Variants in CECR2 observed in about 807,000 individuals in gnomAD.
CECR2 encodes chromatin remodeling regulator CECR2.
In CECR2, 30 loss-of-function variants were observed where a neutral mutation model predicts 154.5. The ratio of observed to expected loss-of-function variants is 0.19; its 90% CI spans 0.15 to 0.26. The LOEUF is 0.26. Among genes scored for constraint, CECR2 ranks in the 10% least tolerant of loss-of-function variants. The pLI is 1.00. For missense variants in CECR2, 1,743 were observed against 1,829.3 expected (o/e 0.95, Z 0.86); for synonymous variants, 725 against 683.7 (o/e 1.06, Z -0.94).
In CECR2 at chr22:17,381,896, T is replaced by G. The variant is rs555423797; in HGVS notation, c.126+11987T>G. 2.9e-3 allele frequency among the ~76,000 whole-genome samples: 433 copies of G among 147,706 alleles called. 1 individual carries two copies. Among genetic ancestry groups the G allele is most frequent in the African/African-American group, 0.011 (411 of 39,070 alleles). On this transcript the variant is annotated intron_variant, in intron 1 of 18. Transcript: ENST00000262608. ...AGAGAGCCCCCACATTTTTTTTTTT[T>G]GTTTTTTTTGAGACGGAGTCTCACT...
At chr22:17,412,062 T>C (rs1455878340) in intron 1 of CECR2, among the ~76,000 whole-genome samples, 2 of 152,234 alleles carry the variant, frequency 1.3e-5, no homozygotes, top group Non-Finnish European at 2.9e-5. Flanking sequence ...AACTTTATAG[T>C]GGAGTGTGTA....
chr22:17,467,594 C>T (rs1164282560), intron 1 of CECR2, among the ~76,000 whole-genome samples: 1 of 151,970 alleles, frequency 6.6e-6, no homozygotes. Context: ...CCAGCCTGGC[C>T]AACATGGTGA....
Position 17,548,912 on chromosome 22 carries a change from T to A in CECR2, c.3625T>A (p.Phe1209Ile). 4.3e-6 allele frequency: 7 copies of A among 1,613,466 alleles called. No individual in the cohort carries two copies. Among genetic ancestry groups the A allele is most frequent in the Non-Finnish European group, 5.9e-6 (7 of 1,179,606 alleles). The change falls in exon 17 of 19, where the codon TTT (phenylalanine) becomes ATT (isoleucine). Residue 1209 changes from phenylalanine to isoleucine, a missense_variant. Phe to Ile is a conservative substitution (Grantham distance 21, BLOSUM62 0). Coordinates refer to ENST00000262608, the MANE Select transcript of CECR2 (RefSeq NM_001290047.2). ...RTPYYACPQS[F>I]SDWQRPLHPQ... The stretch of plus-strand genomic sequence containing the variant: ...TCCTTACTATGCCTGTCCACAGAGC[T>A]TTTCTGACTGGCAGAGACCTCTCCA...
At chr22:17,467,035 A>C (rs1344712141) in intron 1 of CECR2, among the ~76,000 whole-genome samples, 1 of 152,074 alleles carries the variant, frequency 6.6e-6, no homozygotes, top group African/African-American at 2.4e-5. Context: ...GAGTGTTCAT[A>C]AAGTTTTTCC....
intron 14 of CECR2, 103 bp downstream of exon 14, chr22:17,540,903 T>C: frequency 8.2e-7 from 1 of 1,224,344 alleles, no homozygotes; most frequent in East Asian, 2.7e-5. Context: ...CTTACGTGTA[T>C]GTATGGAATC....
chr22:17,395,201 C>CT (rs1325449530), intron 1 of CECR2, among the ~76,000 whole-genome samples: 5 of 152,190 alleles, frequency 3.3e-5, no homozygotes, highest in African/African-American at 4.8e-5. Flanking sequence ...CATAGAATCT[C>CT]TTTTTTGGCA....
chr22:17,474,639 C>T (rs1221766780), intron 1 of CECR2, among the ~76,000 whole-genome samples: 1 of 152,178 alleles, frequency 6.6e-6, no homozygotes, highest in Admixed American at 6.5e-5. Flanking sequence ...ATGATAAAGG[C>T]GGAAGCCAGA....
At position 17,540,595 on chromosome 22, in the gene CECR2, C is replaced by T; in HGVS notation, c.1679C>T (p.Pro560Leu). 1 of 1,613,508 alleles carries T rather than the reference C, an allele frequency of 6.2e-7. No individual in the cohort carries two copies. Among genetic ancestry groups the T allele is most frequent in the African/African-American group, 1.3e-5 (1 of 75,040 alleles). Residue 560 changes from proline to leucine, a missense_variant, in exon 14 of 19, where the codon CCA (proline) becomes CTA (leucine). By Grantham distance (98) the Pro-to-Leu change is moderately conservative. Transcript: ENST00000262608. ...CATGTTTGGACCCGCTCCAGGGACC[C>T]AGAAGGGTCCAGCAGGAAACAGCAG... ...GSHVWTRSRD[P>L]EGSSRKQQPM... is the part of the protein sequence containing the mutation.
intron 1 of CECR2, among the ~76,000 whole-genome samples, chr22:17,387,398 G>A (rs2063275916): frequency 6.6e-6 from 1 of 152,234 alleles, no homozygotes; most frequent in South Asian, 2.1e-4. Context: ...GGATTATCGA[G>A]TTAGCGTGGA....
intron 1 of CECR2, among the ~76,000 whole-genome samples, chr22:17,422,396 A>G (rs1027926625): frequency 1.3e-5 from 2 of 151,966 alleles, no homozygotes; most frequent in Non-Finnish European, 2.9e-5. Flanking sequence ...ATGGGGTTTC[A>G]CTATGTTGGC....
intron 1 of CECR2, among the ~76,000 whole-genome samples, chr22:17,381,125 G>GA (rs1486784235): frequency 6.6e-6 from 1 of 152,122 alleles, no homozygotes; most frequent in Non-Finnish European, 1.5e-5. Flanking sequence ...GTGCTTTAAA[G>GA]AAAAAATTTC....
intron 1 of CECR2, among the ~76,000 whole-genome samples, chr22:17,474,183 C>G (rs1053809622): frequency 2.6e-5 from 4 of 152,164 alleles, no homozygotes; most frequent in African/African-American, 9.6e-5. Flanking sequence ...GTAAGTTCAG[C>G]AATGTCTTCA....
rs1486250985 is a variant in CECR2 at position 17,516,273 on chromosome 22, ATTTAT to A, written c.954+4379_954+4383del. Among the ~76,000 whole-genome samples, 10 of 140,764 alleles carry A rather than the reference ATTTAT, an allele frequency of 7.1e-5. No individual in the cohort carries two copies. The East Asian group carries it at 7.8e-4, about 11-fold the overall frequency. The allele number at this position is 140,764 out of a possible 152,430, so 92.3% of individuals were successfully genotyped here. On this transcript the variant is annotated intron_variant, in intron 8 of 18. Transcript: ENST00000262608. ...TACAGTTATGTACATACATATACAC[ATTTAT>A]TATATTATATGTGTATACATTTTAT...
intron 7 of CECR2, among the ~76,000 whole-genome samples, chr22:17,511,363 C>G (rs2055948382): frequency 6.6e-6 from 1 of 152,164 alleles, no homozygotes; most frequent in African/African-American, 2.4e-5. Flanking sequence ...TCCCTGGCTT[C>G]CCCTCCTGGG....
chr22:17,380,869 T>A (rs566347661), intron 1 of CECR2, among the ~76,000 whole-genome samples: 16 of 152,366 alleles, frequency 1.1e-4, no homozygotes, highest in African/African-American at 3.6e-4. Flanking sequence ...AGCCCTACCC[T>A]GAGTGTTCAT....
At chr22:17,531,617 A>G (rs1184379584) in intron 9 of CECR2, among the ~76,000 whole-genome samples, 1 of 152,240 alleles carries the variant, frequency 6.6e-6, no homozygotes, top group African/African-American at 2.4e-5. Context: ...TTCTAGAAGG[A>G]AAGAATCAGT....
chr22:17,448,407 G>A (rs899742827), intron 1 of CECR2, among the ~76,000 whole-genome samples: 9 of 152,180 alleles, frequency 5.9e-5, no homozygotes, highest in Admixed American at 4.6e-4. Flanking sequence ...ATGATGCATG[G>A]AAAGAAGTAA....
At chr22:17,488,919 C>A (rs2055474108) in intron 2 of CECR2, among the ~76,000 whole-genome samples, 1 of 152,154 alleles carries the variant, frequency 6.6e-6, no homozygotes, top group Non-Finnish European at 1.5e-5. Context: ...TCTGAACAGT[C>A]CAGTTGCTTC....
At chr22:17,443,773 C>A (rs2054617776) in intron 1 of CECR2, among the ~76,000 whole-genome samples, 1 of 152,078 alleles carries the variant, frequency 6.6e-6, no homozygotes, top group African/African-American at 2.4e-5. Flanking sequence ...AGGTTACTTA[C>A]CAGATTCCAG....
Sources: allele counts gnomAD v4.1 joint callset (sites outside exome capture counted in the v4.1 genomes callset), GRCh38; gene constraint gnomAD v4.1.1; transcripts MANE v1.5; gene names NCBI Gene and HGNC (gene_info 2026-07-23, HGNC 2026-07-21).